PML: variants seen among roughly 807,000 people sequenced by gnomAD.
The protein encoded by PML is protein PML.
PML carries 28 observed loss-of-function variants against 65.2 expected under a neutral mutation model. That is an observed-to-expected ratio of 0.43 (90% CI 0.32 to 0.59). PML has a LOEUF of 0.59. Among genes scored for constraint, PML ranks in the 20% least tolerant of loss-of-function variants. The pLI is 0.08. For missense variants in PML, 1,021 were observed against 1,203.4 expected, an observed-to-expected ratio of 0.85 and a Z score of 2.24; for synonymous variants, 500 against 508.8, an observed-to-expected ratio of 0.98 and a Z score of 0.23.
chr15:74,007,601 G>A (rs2141756675), intron 2 of PML, among the ~76,000 whole-genome samples: 1 of 152,330 alleles, frequency 6.6e-6, no homozygotes, highest in African/African-American at 2.4e-5. Flanking sequence ...CTTTGACCCT[G>A]GGCTGATTTA....
At chr15:74,001,836 A>C (rs2069775691) in intron 2 of PML, among the ~76,000 whole-genome samples, 1 of 152,024 alleles carries the variant, frequency 6.6e-6, no homozygotes, top group African/African-American at 2.4e-5. Flanking sequence ...TCATCTTTAC[A>C]AAAAATAAAA....
chr15:74,013,927 T>C (rs551592232), intron 2 of PML, among the ~76,000 whole-genome samples: 22 of 152,242 alleles, frequency 1.4e-4, no homozygotes, highest in Non-Finnish European at 2.6e-4. Context: ...ATAATTGTAG[T>C]GTATTGTTAT....
rs536738558 is a variant in PML at position 74,010,185 on chromosome 15, A to ATTTTTTTTTTTTTTTTTT, written c.602+11720_602+11737dup. Among the ~76,000 whole-genome samples, 68 of 77,934 alleles carry ATTTTTTTTTTTTTTTTTT rather than the reference A, an allele frequency of 8.7e-4. 5 individuals are homozygous for ATTTTTTTTTTTTTTTTTT. Among genetic ancestry groups the ATTTTTTTTTTTTTTTTTT allele is most frequent in the East Asian group, 1.3e-3 (3 of 2,240 alleles). The allele number at this position is 77,934 out of a possible 152,430, so 51.1% of individuals were successfully genotyped here. ...AGACATGCACCACCATGCCCAGCTA[A>ATTTTTTTTTTTTTTTTTT]TTTTTTTTTTTTTTTTTTTTTTTTT... On this transcript the variant is annotated intron_variant, in intron 2 of 8. Coordinates refer to ENST00000268058, the MANE Select transcript of PML (RefSeq NM_033238.3).
chr15:74,036,363 TG>T, intron 7 of PML: 1 of 1,396,462 alleles, frequency 7.2e-7, no homozygotes, highest in Non-Finnish European at 9.3e-7. Context: ...CTGGCAGATG[TG>T]GCTGCTCAAT....
chr15:74,022,969 G>A lies in PML; in HGVS notation c.744G>A (p.Gln248=), dbSNP rs2070907496. The part of the protein sequence containing the change: ...EELDAMTQAL[Q]EQDSAFGAVH... Reference sequence around the variant, plus strand: ...TGGACGCCATGACGCAGGCGCTGCAGGAGCAGGATAGTGCCTTTGGCGCGG... The same window carrying A: ...TGGACGCCATGACGCAGGCGCTGCAAGAGCAGGATAGTGCCTTTGGCGCGG... The change falls in exon 3 of 9, where the codon CAG becomes CAA. Residue 248 remains glutamine (Q), a synonymous_variant. Coordinates refer to ENST00000268058, the MANE Select transcript of PML (RefSeq NM_033238.3). 3.1e-6 allele frequency: 5 copies of A among 1,610,558 alleles called. No homozygotes were observed. Among genetic ancestry groups the A allele is most frequent in the Non-Finnish European group, 4.2e-6 (5 of 1,178,832 alleles).
At chr15:74,020,306 T>G (rs1270621761) in intron 2 of PML, among the ~76,000 whole-genome samples, 1 of 149,640 alleles carries the variant, frequency 6.7e-6, no homozygotes, top group Non-Finnish European at 1.5e-5. Flanking sequence ...TTTTTTTTTT[T>G]TGAGATGGAG....
Position 74,035,333 on chromosome 15 carries a change from C to G in PML, c.1710+803C>G. ...CATACCACCCCCCAGCTTGGCCTCCCCACCAGCCCGCTGAGCAGGCTGCCA... is the reference window on the plus strand; with the variant it reads ...CATACCACCCCCCAGCTTGGCCTCCGCACCAGCCCGCTGAGCAGGCTGCCA... On this transcript the variant is annotated intron_variant, in intron 7 of 8. Coordinates refer to ENST00000268058, the MANE Select transcript of PML (RefSeq NM_033238.3). The surrounding 1 kb of genome is among the most constrained non-coding windows in gnomAD (Gnocchi z 4.1). 1 of 1,612,546 alleles carries G rather than the reference C, an allele frequency of 6.2e-7. No homozygotes were observed. The highest frequency in any genetic ancestry group is 8.5e-7 in the Non-Finnish European group (1 of 1,179,930).
chr15:74,016,029 A>G (rs554003439), intron 2 of PML, among the ~76,000 whole-genome samples: 1 of 152,312 alleles, frequency 6.6e-6, no homozygotes, highest in East Asian at 1.9e-4. Context: ...CTGTAATCCC[A>G]GCAATTTGGG....
Position 74,035,874 on chromosome 15 carries a change from A to G in PML, c.1710+1344A>G. On this transcript the variant is annotated intron_variant, in intron 7 of 8. Transcript: ENST00000268058. The surrounding 1 kb of genome is among the most constrained non-coding windows in gnomAD (Gnocchi z 4.1). The stretch of plus-strand genomic sequence containing the variant: ...CCAAGTGCCTCTGGAAGCCTCTCCA[A>G]TTACATTCCCACCACCCTGTGCCCC... The G allele has an allele frequency of 3.1e-6, 5 of 1,613,704 alleles. No homozygotes were observed. Among genetic ancestry groups the G allele is most frequent in the Non-Finnish European group, 4.2e-6 (5 of 1,179,974 alleles).
chr15:74,021,737 G>GAA (rs898212717), intron 2 of PML, among the ~76,000 whole-genome samples: 3 of 137,684 alleles, frequency 2.2e-5, no homozygotes, highest in African/African-American at 8.0e-5. Context: ...GGCACCAAAA[G>GAA]AAAAAAAAAA....
At chr15:74,011,481 A>C (rs546402549) in intron 2 of PML, among the ~76,000 whole-genome samples, 34 of 152,370 alleles carry the variant, frequency 2.2e-4, no homozygotes, top group Admixed American at 1.0e-3. Context: ...AAAGCAAAGA[A>C]GAAAAAAACA....
At chr15:73,999,824 A>T (rs576300680) in intron 2 of PML, among the ~76,000 whole-genome samples, 49 of 150,116 alleles carry the variant, frequency 3.3e-4, no homozygotes, top group Middle Eastern at 3.4e-3. Flanking sequence ...GATTTAAAAA[A>T]TTTTTTTTAA....
At chr15:74,000,445 G>A (rs769687541) in intron 2 of PML, among the ~76,000 whole-genome samples, 3 of 152,030 alleles carry the variant, frequency 2.0e-5, no homozygotes, top group Non-Finnish European at 4.4e-5. Context: ...ATACAGGACT[G>A]CAGGTGTGCA....
chr15:74,041,039 G>A (rs1357891923), intron 7 of PML, among the ~76,000 whole-genome samples: 2 of 152,224 alleles, frequency 1.3e-5, no homozygotes, highest in Admixed American at 6.5e-5. Context: ...CTGAAGGCGG[G>A]AAGACTGGTT....
intron 2 of PML, among the ~76,000 whole-genome samples, chr15:74,005,713 T>C (rs12899340): frequency 6.6e-6 from 1 of 152,222 alleles, no homozygotes; most frequent in African/African-American, 2.4e-5. Flanking sequence ...AGTTGGCATT[T>C]ACAGAGGTGT....
Position 74,044,813 on chromosome 15 carries a change from G to A in PML, c.2454G>A (p.Gly818=). Residue 818 remains glycine (G), a synonymous_variant, in exon 9 of 9, where the codon GGG becomes GGA. Transcript: ENST00000268058. Reference sequence around the variant, plus strand: ...GTGCACACCGCCGTGACCGGCAGGGGGGCCTGAAGAAGTACAGCCGCTATC... The same window carrying A: ...GTGCACACCGCCGTGACCGGCAGGGAGGCCTGAAGAAGTACAGCCGCTATC... ...LLSAHRRDRQ[G]GLKKYSRYLS... 1 of 1,613,206 alleles carries A rather than the reference G, an allele frequency of 6.2e-7. No individual in the cohort carries two copies.
chr15:74,034,144 G>A, intron 6 of PML: 1 of 435,774 alleles, frequency 2.3e-6, no homozygotes, highest in Non-Finnish European at 4.3e-6. Context: ...AATGGGGACA[G>A]TGTGCTTCTT....
At chr15:74,024,688 G>C (rs966797116) in intron 3 of PML, among the ~76,000 whole-genome samples, 169 bp from the exon 4 acceptor site, 3 of 152,228 alleles carry the variant, frequency 2.0e-5, no homozygotes, top group African/African-American at 7.2e-5. Flanking sequence ...ATTCGAGAGA[G>C]CTCTCCTTCC....
intron 2 of PML, among the ~76,000 whole-genome samples, chr15:73,998,754 T>A (rs954142089): frequency 6.6e-6 from 1 of 152,188 alleles, no homozygotes; most frequent in East Asian, 1.9e-4. Flanking sequence ...TAGGATAAAT[T>A]TTTAGAAGTG....
Sources: allele counts gnomAD v4.1 joint callset (sites outside exome capture counted in the v4.1 genomes callset), GRCh38; gene constraint gnomAD v4.1.1; non-coding constraint Gnocchi (gnomAD v3.1); transcripts MANE v1.5; gene names NCBI Gene and HGNC (gene_info 2026-07-23, HGNC 2026-07-21).